Variants in CLSTN2 observed in about 807,000 individuals in gnomAD.
CLSTN2 encodes the protein calsyntenin 2, also known as calsyntenin-2.
A neutral mutation model predicts 101.2 loss-of-function variants in CLSTN2; 48 were observed. That is an observed-to-expected ratio of 0.47 (90% CI 0.38 to 0.60). CLSTN2 has a LOEUF of 0.60. CLSTN2 is among the 20% of genes least tolerant of loss of function. CLSTN2 has a pLI of 0.00. For missense variants in CLSTN2, 1,160 were observed against 1,238.2 expected (o/e 0.94, Z 0.95); for synonymous variants, 481 against 463.6 (o/e 1.04, Z -0.48).
At chr3:140,222,867 A>C (rs2086286186) in intron 2 of CLSTN2, among the ~76,000 whole-genome samples, 1 of 64,658 alleles carries the variant, frequency 1.5e-5, no homozygotes, top group South Asian at 8.9e-4. Flanking sequence ...GAAAATTAAA[A>C]TTTTAAGAAA....
chr3:140,171,948 AG>A (rs1268664749), intron 1 of CLSTN2, among the ~76,000 whole-genome samples: 1 of 141,022 alleles, frequency 7.1e-6, no homozygotes, highest in East Asian at 2.0e-4. Flanking sequence ...GATATCACAA[AG>A]TATGAATTTC....
intron 2 of CLSTN2, among the ~76,000 whole-genome samples, chr3:140,391,573 A>G (rs1295938277): frequency 6.6e-6 from 1 of 152,182 alleles, no homozygotes; most frequent in Non-Finnish European, 1.5e-5. Flanking sequence ...TGCAATAAGA[A>G]TATTAACATG....
intron 1 of CLSTN2, among the ~76,000 whole-genome samples, chr3:140,053,329 A>G (rs1402862977): frequency 6.6e-6 from 1 of 152,164 alleles, no homozygotes; most frequent in Non-Finnish European, 1.5e-5. Flanking sequence ...TACACCGTAA[A>G]TTTTATTAGA....
chr3:139,962,959 C>A (rs991656671), intron 1 of CLSTN2, among the ~76,000 whole-genome samples: 3 of 152,100 alleles, frequency 2.0e-5, no homozygotes, highest in African/African-American at 7.2e-5. Context: ...AACTAACTAG[C>A]ATATTTTGTG....
intron 1 of CLSTN2, among the ~76,000 whole-genome samples, chr3:139,946,813 G>A (rs991099011): frequency 1.3e-5 from 2 of 152,230 alleles, no homozygotes; most frequent in Non-Finnish European, 2.9e-5. Flanking sequence ...ATGAGGCCAT[G>A]CCTCTTTGGA....
At chr3:140,535,727 G>A (rs553823032) in intron 9 of CLSTN2, among the ~76,000 whole-genome samples, 32 of 152,296 alleles carry the variant, frequency 2.1e-4, no homozygotes, top group Admixed American at 4.6e-4. Context: ...AATGTTATTC[G>A]TCACAATTTG....
intron 2 of CLSTN2, among the ~76,000 whole-genome samples, chr3:140,303,537 G>T (rs193048735): frequency 1.3e-5 from 2 of 151,814 alleles, no homozygotes; most frequent in Admixed American, 1.3e-4. Context: ...TTACAATAAC[G>T]TCCTTCAAAC....
intron 10 of CLSTN2, among the ~76,000 whole-genome samples, chr3:140,547,748 C>T (rs2107787386): frequency 6.6e-6 from 1 of 152,220 alleles, no homozygotes; most frequent in South Asian, 2.1e-4. Flanking sequence ...TGGCACCTGC[C>T]CATGAGGTCC....
chr3:139,936,003 C>G (rs1440138951), intron 1 of CLSTN2, among the ~76,000 whole-genome samples: 2 of 152,122 alleles, frequency 1.3e-5, no homozygotes, highest in Non-Finnish European at 2.9e-5. Context: ...CTCTGACTCC[C>G]CGGGGAACGT....
At chr3:140,261,061 T>C (rs1238892720) in intron 2 of CLSTN2, among the ~76,000 whole-genome samples, 4 of 152,186 alleles carry the variant, frequency 2.6e-5, no homozygotes, top group Non-Finnish European at 5.9e-5. Flanking sequence ...AGGAAGTGTT[T>C]GTTAGGTCTC....
chr3:140,552,501 G>A (rs1320662617), intron 10 of CLSTN2, among the ~76,000 whole-genome samples: 6 of 151,802 alleles, frequency 4.0e-5, no homozygotes, highest in Non-Finnish European at 5.9e-5. Flanking sequence ...ACATTCATGC[G>A]CTGTGACAGA....
intron 1 of CLSTN2, among the ~76,000 whole-genome samples, chr3:140,149,765 G>A (rs1308780290): frequency 2.0e-5 from 3 of 152,110 alleles, no homozygotes; most frequent in Non-Finnish European, 2.9e-5. Flanking sequence ...CCAATAAATA[G>A]CATTTTTTAG....
chr3:140,179,189 T>G (rs77114695), intron 2 of CLSTN2, among the ~76,000 whole-genome samples: 2,614 of 152,236 alleles, frequency 0.017, 63 homozygotes, highest in African/African-American at 0.058. Context: ...GATATACAAG[T>G]ATTTATTGTA....
intron 10 of CLSTN2, among the ~76,000 whole-genome samples, chr3:140,555,589 T>TA (rs934508999): frequency 6.6e-6 from 1 of 152,088 alleles, no homozygotes; most frequent in Non-Finnish European, 1.5e-5. Context: ...GGTAGCTACT[T>TA]AAAAAAAATC....
chr3:140,270,383 AGGATG>A (rs2086731004), intron 2 of CLSTN2, among the ~76,000 whole-genome samples: 3 of 152,198 alleles, frequency 2.0e-5, no homozygotes, highest in Non-Finnish European at 4.4e-5. Context: ...TGTGGGAGAC[AGGATG>A]CTTTGTCAAC....
chr3:140,231,264 G>A (rs977880266), intron 2 of CLSTN2, among the ~76,000 whole-genome samples: 1 of 152,044 alleles, frequency 6.6e-6, no homozygotes, highest in Non-Finnish European at 1.5e-5. Context: ...CCGTCTCCCT[G>A]GCTCCAGAGC....
chr3:140,141,277 T>C (rs879143490), intron 1 of CLSTN2, among the ~76,000 whole-genome samples: 1 of 152,174 alleles, frequency 6.6e-6, no homozygotes, highest in Non-Finnish European at 1.5e-5. Flanking sequence ...TACTGGGATG[T>C]ATACACTGAT....
intron 1 of CLSTN2, among the ~76,000 whole-genome samples, chr3:140,155,512 G>T (rs1368825375): frequency 6.6e-6 from 1 of 152,104 alleles, no homozygotes; most frequent in Non-Finnish European, 1.5e-5. Flanking sequence ...ATATTTGAAG[G>T]GGAACAATAA....
chr3:140,554,598 G>T (rs1038266769), intron 10 of CLSTN2, among the ~76,000 whole-genome samples: 16 of 152,320 alleles, frequency 1.1e-4, no homozygotes, highest in Middle Eastern at 3.4e-3. Context: ...CAATGGAGAA[G>T]TTGGCAACAT....
Sources: allele counts gnomAD v4.1 joint callset (sites outside exome capture counted in the v4.1 genomes callset), GRCh38; gene constraint gnomAD v4.1.1; transcripts MANE v1.5; gene names NCBI Gene and HGNC (gene_info 2026-07-23, HGNC 2026-07-21).